The following PGF variants were observed in gnomAD, a reference collection of about 807,000 sequenced individuals.
PGF encodes placenta growth factor.
In PGF, 11 loss-of-function variants were observed where a neutral mutation model predicts 25.3. The ratio of observed to expected loss-of-function variants is 0.43; its 90% CI spans 0.27 to 0.72. The LOEUF is 0.72. PGF is among the 30% of genes least tolerant of loss of function. The pLI is 0.18. For missense variants in PGF, 230 were observed against 234.9 expected (o/e 0.98, Z 0.14); for synonymous variants, 105 against 97.9 (o/e 1.07, Z -0.43).
Position 74,955,176 on chromosome 14 carries a change from G to C in PGF, c.67C>G (p.Pro23Ala). The change falls in exon 1 of 7, where the codon CCC becomes GCC. Residue 23 changes from proline to alanine, a missense_variant. Coordinates refer to ENST00000555567, the MANE Select transcript of PGF (RefSeq NM_002632.6). This position sits in a 1 kb window ranked among gnomAD's most constrained non-coding sequence, Gnocchi z 4.1. Reference protein sequence around the residue: ...LLAGLALPAVPPQQWALSAGN... With the variant: ...LLAGLALPAVAPQQWALSAGN... ...GTGGGGGTAGCTCTTACCTGGGGGG[G>C]CACAGCAGGCAGCGCCAGCCCGGCC... The C allele has an allele frequency of 2.0e-6, 3 of 1,474,858 alleles. No individual in the cohort carries two copies. The highest frequency in any genetic ancestry group is 2.7e-6 in the Non-Finnish European group (3 of 1,103,554). 91.4% of individuals were successfully genotyped at this position (1,474,858 alleles called of 1,614,324 possible). A position where few individuals can be genotyped will look rare whatever the true frequency, so the allele number is the denominator to read the frequency against.
intron 2 of PGF, among the ~76,000 whole-genome samples, chr14:74,952,143 G>T (rs1220740058): frequency 3.9e-5 from 6 of 152,162 alleles, no homozygotes; most frequent in Non-Finnish European, 5.9e-5. Flanking sequence ...CCCTGTGAGT[G>T]AGCCTCCCAC....
intron 2 of PGF, among the ~76,000 whole-genome samples, chr14:74,952,128 G>T (rs1019677690): frequency 1.3e-5 from 2 of 151,568 alleles, no homozygotes; most frequent in African/African-American, 4.8e-5. Context: ...CAGCTCTCTC[G>T]CCAGCCCTGT....
Position 74,950,226 on chromosome 14 carries a change from G to A in PGF, c.119-673C>T, listed in dbSNP as rs530211801. On this transcript the variant is annotated intron_variant, in intron 2 of 6. Coordinates refer to ENST00000555567, the MANE Select transcript of PGF (RefSeq NM_002632.6). This position sits in a 1 kb window ranked among gnomAD's most constrained non-coding sequence, Gnocchi z 4.1. ...ATAAAGTCCACCCGCCATTTTCCAC[G>A]ACCTGCCTCCCCACCTCCTCTTTGA... 1.3e-5 allele frequency among the ~76,000 whole-genome samples: 2 copies of A among 152,148 alleles called. No homozygotes were observed. Among genetic ancestry groups the A allele is most frequent in the South Asian group, 2.1e-4 (1 of 4,814 alleles).
At chr14:74,951,521 G>A (rs1352662675) in intron 2 of PGF, among the ~76,000 whole-genome samples, 6 of 152,240 alleles carry the variant, frequency 3.9e-5, no homozygotes, top group African/African-American at 9.6e-5. Context: ...GAAGACTCAG[G>A]TTCCTGCCCT....
chr14:74,946,455 A>G (rs997054893), intron 4 of PGF, 47 bp from the exon 5 acceptor site: 6 of 1,565,078 alleles, frequency 3.8e-6, no homozygotes, highest in Non-Finnish European at 4.3e-6. Context: ...TAGGAAAGCA[A>G]TAAGTGGGGC....
chr14:74,941,832 CG>C (rs1028846078), downstream of PGF: 6 of 152,634 alleles, frequency 3.9e-5, no homozygotes, highest in African/African-American at 1.4e-4. Context: ...ACTAGATCAG[CG>C]TTTCCACACT....
rs758415108 is a variant in PGF at position 74,942,680 on chromosome 14, G to A, written c.*26C>T. The A allele has an allele frequency of 8.7e-6, 14 of 1,610,428 alleles. No homozygotes were observed. The highest frequency in any genetic ancestry group is 2.2e-5 in the East Asian group (1 of 44,678). On this transcript the variant is annotated 3_prime_UTR_variant, in exon 7 of 7. Coordinates refer to ENST00000555567, the MANE Select transcript of PGF (RefSeq NM_002632.6). Reference sequence around the variant, plus strand: ...GGTAATAAATACACGAGCCGGGTGCGGGGTCTCTCTCCTCCAAGGGGTGGG... The same window carrying A: ...GGTAATAAATACACGAGCCGGGTGCAGGGTCTCTCTCCTCCAAGGGGTGGG...
intron 4 of PGF, chr14:74,946,692 T>C: frequency 1.5e-6 from 1 of 678,466 alleles, no homozygotes; most frequent in Non-Finnish European, 2.7e-6. Flanking sequence ...GCATCAAATT[T>C]GGTTGTTTCT....
rs770668471 is a variant in PGF, at chr14:74,955,327, A to T, written c.-85T>A. ...GGAGCCCCTGGCACAGGAGGAGAAG[A>T]GCTGAGTGGGGGGCTGGACGCCTCC... On this transcript the variant is annotated 5_prime_UTR_variant, in exon 1 of 7. Coordinates refer to ENST00000555567, the MANE Select transcript of PGF (RefSeq NM_002632.6). The surrounding 1 kb of genome is among the most constrained non-coding windows in gnomAD (Gnocchi z 4.1). 86 of 767,498 alleles carry T rather than the reference A, an allele frequency of 1.1e-4. 1 individual carries two copies. The highest frequency in any genetic ancestry group is 1.6e-4 in the Non-Finnish European group (83 of 525,772). 47.5% of individuals were successfully genotyped at this position (767,498 alleles called of 1,614,324 possible).
At chr14:74,948,437 C>T (rs1888791641) in intron 4 of PGF, 70 bp downstream of exon 4, 1 of 941,854 alleles carries the variant, frequency 1.1e-6, no homozygotes, top group Non-Finnish European at 1.7e-6. Context: ...TGCCCTGGGA[C>T]CCATCTTTGC....
rs1256117531 is a variant in PGF at position 74,953,501 on chromosome 14, G to A, written c.118+403C>T. ...TCCACCAGGGCTGGGCTGCTGGGGA[G>A]GGCCCCTCACCCATTCCTGATCCTC... On this transcript the variant is annotated intron_variant, in intron 2 of 6. Coordinates refer to ENST00000555567, the MANE Select transcript of PGF (RefSeq NM_002632.6). The surrounding 1 kb of genome is among the most constrained non-coding windows in gnomAD (Gnocchi z 5.4). Among the ~76,000 whole-genome samples, 3 of 152,170 alleles carry A rather than the reference G, an allele frequency of 2.0e-5. No individual in the cohort carries two copies. Among genetic ancestry groups the A allele is most frequent in the Non-Finnish European group, 4.4e-5 (3 of 68,010 alleles).
intron 2 of PGF, among the ~76,000 whole-genome samples, chr14:74,952,883 A>T (rs1566859604): frequency 6.6e-6 from 1 of 152,214 alleles, no homozygotes; most frequent in African/African-American, 2.4e-5. Flanking sequence ...CAGATGAGAA[A>T]ACTGAGGCTA....
Position 74,955,060 on chromosome 14 carries a change from C to G in PGF, c.75+108G>C, listed in dbSNP as rs1888954936. 1.1e-5 allele frequency: 6 copies of G among 523,082 alleles called. No individual in the cohort carries two copies. In the East Asian group the frequency reaches 2.1e-4, roughly 18 times the overall value. The allele number at this position is 523,082 out of a possible 1,614,324, so 32.4% of individuals were successfully genotyped here. ...TGGCCTTTAGGAAGTGTGTGGACATCCTTGGAGTTGCTGCTCCCTGGAGTG... is the reference window on the plus strand; with the variant it reads ...TGGCCTTTAGGAAGTGTGTGGACATGCTTGGAGTTGCTGCTCCCTGGAGTG... On this transcript the variant is annotated intron_variant, in intron 1 of 6. Transcript: ENST00000555567. This position sits in a 1 kb window ranked among gnomAD's most constrained non-coding sequence, Gnocchi z 4.1.
intron 3 of PGF, 88 bp from the exon 4 acceptor site, chr14:74,948,671 ACT>A (rs1888800950): frequency 3.8e-6 from 3 of 797,086 alleles, no homozygotes; most frequent in Middle Eastern, 2.3e-4. Context: ...GGAGAACCCG[ACT>A]CTGTTTCCTG....
At chr14:74,952,234 T>C (rs1888888237) in intron 2 of PGF, among the ~76,000 whole-genome samples, 1 of 152,180 alleles carries the variant, frequency 6.6e-6, no homozygotes, top group Non-Finnish European at 1.5e-5. Flanking sequence ...TGGAGGGCAC[T>C]GGAGACGGGC....
rs1888913195 is a variant in PGF, at chr14:74,953,288, G to A, written c.118+616C>T. 1.3e-5 allele frequency among the ~76,000 whole-genome samples: 2 copies of A among 152,236 alleles called. No individual in the cohort carries two copies. The highest frequency in any genetic ancestry group is 6.5e-5 in the Admixed American group (1 of 15,286). On this transcript the variant is annotated intron_variant, in intron 2 of 6. Transcript: ENST00000555567. This position sits in a 1 kb window ranked among gnomAD's most constrained non-coding sequence, Gnocchi z 5.4. ...CACGTCTTGGAGAGGCAGGGAGGGA[G>A]GAGCGAGGTAGGGGGCCTGGCATGG... is the stretch of plus-strand genomic sequence containing the variant.
intron 4 of PGF, chr14:74,948,122 C>T (rs61759382): frequency 2.6e-4 from 46 of 178,344 alleles, no homozygotes; most frequent in African/African-American, 9.4e-4. Flanking sequence ...TGCCCCAGAA[C>T]GAAGTTCAGA....
At position 74,955,277 on chromosome 14, in the gene PGF, G is replaced by GA. The variant is rs1470639775; in HGVS notation, c.-36dup. The GA allele has an allele frequency of 1.0e-5, 14 of 1,348,100 alleles. No homozygotes were observed. The Admixed American group carries it at 1.1e-4, about 10-fold the overall frequency. The allele number at this position is 1,348,100 out of a possible 1,614,324, so 83.5% of individuals were successfully genotyped here. On this transcript the variant is annotated 5_prime_UTR_variant, in exon 1 of 7. An upstream open reading frame in the 5' UTR loses its in-frame stop. Coordinates refer to ENST00000555567, the MANE Select transcript of PGF (RefSeq NM_002632.6). The surrounding 1 kb of genome is among the most constrained non-coding windows in gnomAD (Gnocchi z 4.1). ...CGTCCCGAGCCAGGGGGCTCCGAGG[G>GA]AAAACCACCATGCTCATCCCCCGGG...
intron 4 of PGF, 133 bp from the exon 5 acceptor site, chr14:74,946,541 T>A: frequency 1.2e-6 from 1 of 812,654 alleles, no homozygotes; most frequent in South Asian, 1.7e-5. Flanking sequence ...CACTAGGGGG[T>A]AGCATGGAGT....
Sources: gnomAD v4.1 joint callset for allele counts (sites outside exome capture counted in the v4.1 genomes callset) on GRCh38, gnomAD v4.1.1 for gene constraint, Gnocchi (gnomAD v3.1) non-coding constraint, MANE v1.5 for transcripts, NCBI Gene and HGNC (gene_info 2026-07-23, HGNC 2026-07-21) for gene names.